CATSPERE: variants seen among roughly 807,000 people sequenced by gnomAD.
CATSPERE encodes the protein cation channel sperm-associated auxiliary subunit epsilon.
In CATSPERE, 93 loss-of-function variants were observed where a neutral mutation model predicts 114.1. The ratio of observed to expected loss-of-function variants is 0.81; its 90% CI spans 0.69 to 0.97. The LOEUF (loss-of-function observed/expected upper bound fraction) is 0.97. Among genes scored for constraint, CATSPERE ranks in the 50% least tolerant of loss-of-function variants. The pLI is 0.00. For synonymous variants in CATSPERE, 341 were observed against 384.1 expected (o/e 0.89, Z 1.31); for missense variants, 1,058 against 1,131.6 (o/e 0.93, Z 0.93).
chr1:244,588,765 C>G (rs904462376), intron 14 of CATSPERE, among the ~76,000 whole-genome samples: 3 of 152,206 alleles, frequency 2.0e-5, no homozygotes, highest in African/African-American at 4.8e-5. Flanking sequence ...CTATTACTAG[C>G]ATTTTTTCTC....
chr1:244,519,108 G>T (rs957285207), intron 8 of CATSPERE, among the ~76,000 whole-genome samples: 3 of 152,162 alleles, frequency 2.0e-5, no homozygotes, highest in African/African-American at 7.2e-5. Context: ...ACAAGGTATA[G>T]ACAGACTTTC....
intron 13 of CATSPERE, among the ~76,000 whole-genome samples, chr1:244,586,355 A>G (rs1052676129): frequency 1.3e-5 from 2 of 152,210 alleles, no homozygotes; most frequent in African/African-American, 4.8e-5. Flanking sequence ...GAGATCATCA[A>G]GTGATGGTGG....
chr1:244,593,306 G>A, intron 15 of CATSPERE, 89 bp from the exon 16 acceptor site: 1 of 1,325,674 alleles, frequency 7.5e-7, no homozygotes, highest in South Asian at 1.3e-5. Context: ...TTTGACCTTT[G>A]TGATACCTCC....
chr1:244,561,174 T>C (rs753182170), intron 10 of CATSPERE, 29 bp downstream of exon 10: 2 of 1,398,556 alleles, frequency 1.4e-6, no homozygotes, highest in Non-Finnish European at 2.0e-6. Flanking sequence ...ACTAACATTA[T>C]TCTAGATTTC....
At chr1:244,574,901 CACAG>C (rs775311645) in intron 11 of CATSPERE, among the ~76,000 whole-genome samples, 28 of 152,272 alleles carry the variant, frequency 1.8e-4, no homozygotes, top group Admixed American at 1.3e-4. Flanking sequence ...TTATGACTTT[CACAG>C]ACAATCTTTG....
chr1:244,611,830 C>G (rs560354724), intron 19 of CATSPERE, among the ~76,000 whole-genome samples: 1 of 152,268 alleles, frequency 6.6e-6, no homozygotes, highest in South Asian at 2.1e-4. Context: ...AGTGAGCTCA[C>G]TGGGTAATTA....
chr1:244,608,471 G>A (rs1247747756), intron 18 of CATSPERE, among the ~76,000 whole-genome samples: 2 of 151,838 alleles, frequency 1.3e-5, no homozygotes, highest in Non-Finnish European at 2.9e-5. Context: ...AGGAGGTCAA[G>A]GCTGCAGTGA....
chr1:244,528,785 CCACACA>C (rs56746061), intron 8 of CATSPERE, among the ~76,000 whole-genome samples: 51 of 130,580 alleles, frequency 3.9e-4, no homozygotes, highest in East Asian at 1.1e-3. Flanking sequence ...CAATCCCCCA[CCACACA>C]CACACACACA....
chr1:244,614,019 C>A (rs1308498861), intron 19 of CATSPERE, among the ~76,000 whole-genome samples: 1 of 152,152 alleles, frequency 6.6e-6, no homozygotes, highest in Admixed American at 6.5e-5. Flanking sequence ...ATGTGATGTC[C>A]TGTGACACTT....
chr1:244,593,279 A>G, intron 15 of CATSPERE, 116 bp from the exon 16 acceptor site: 1 of 1,027,088 alleles, frequency 9.7e-7, no homozygotes, highest in Non-Finnish European at 1.5e-6. Flanking sequence ...TCAGTATTTC[A>G]TAATTATATT....
At chr1:244,461,733 A>G (rs1442090395) in intron 1 of CATSPERE, among the ~76,000 whole-genome samples, 1 of 152,138 alleles carries the variant, frequency 6.6e-6, no homozygotes, top group Non-Finnish European at 1.5e-5. Context: ...TCCTGCAGTA[A>G]GGTCGCAGTA....
chr1:244,451,686 C>A, upstream of CATSPERE: 1 of 1,612,694 alleles, frequency 6.2e-7, no homozygotes, highest in Non-Finnish European at 8.5e-7. The surrounding 1 kb of genome is among the most constrained non-coding windows in gnomAD (Gnocchi z 6.6). Context: ...CCACCACCTT[C>A]CCTTTGCCTT....
chr1:244,630,935 C>T (rs57164760), intron 20 of CATSPERE, among the ~76,000 whole-genome samples: 187 of 152,126 alleles, frequency 1.2e-3, no homozygotes, highest in African/African-American at 4.2e-3. Flanking sequence ...CTTACACTTC[C>T]TTGGTCTAAC....
chr1:244,597,715 G>T (rs1668642267), intron 17 of CATSPERE, among the ~76,000 whole-genome samples: 1 of 152,088 alleles, frequency 6.6e-6, no homozygotes, highest in Non-Finnish European at 1.5e-5. Context: ...TTGAATAGCG[G>T]TTTAATGACA....
chr1:244,480,007 T>C (rs1478121012), intron 5 of CATSPERE, among the ~76,000 whole-genome samples: 1 of 152,250 alleles, frequency 6.6e-6, no homozygotes, highest in African/African-American at 2.4e-5. Flanking sequence ...GTTTGTGCTT[T>C]AATATAAATT....
intron 2 of CATSPERE, among the ~76,000 whole-genome samples, chr1:244,471,406 G>T (rs1315185304): frequency 6.6e-6 from 1 of 152,142 alleles, no homozygotes; most frequent in Non-Finnish European, 1.5e-5. Context: ...TACATACAAT[G>T]AAATTTACTC....
chr1:244,531,371 A>G (rs1325266784), intron 8 of CATSPERE, among the ~76,000 whole-genome samples: 1 of 152,146 alleles, frequency 6.6e-6, no homozygotes, highest in Non-Finnish European at 1.5e-5. Flanking sequence ...GTACTGTTGA[A>G]TAACAGTAGT....
At chr1:244,546,516 ACTGT>A (rs1358578625) in intron 8 of CATSPERE, among the ~76,000 whole-genome samples, 2 of 152,242 alleles carry the variant, frequency 1.3e-5, no homozygotes, top group African/African-American at 4.8e-5. Flanking sequence ...AGATGTATGA[ACTGT>A]CTGACAAATA....
intron 7 of CATSPERE, among the ~76,000 whole-genome samples, chr1:244,503,642 C>T (rs1674402695): frequency 6.6e-6 from 1 of 152,140 alleles, no homozygotes; most frequent in South Asian, 2.1e-4. Context: ...ACCCAGGCTG[C>T]AGTGCAGTGG....
Sources: gnomAD v4.1 joint callset for allele counts (sites outside exome capture counted in the v4.1 genomes callset) on GRCh38, gnomAD v4.1.1 for gene constraint, Gnocchi (gnomAD v3.1) non-coding constraint, MANE v1.5 for transcripts, NCBI Gene and HGNC (gene_info 2026-07-23, HGNC 2026-07-21) for gene names.